TMEM132D: variants seen among roughly 807,000 people sequenced by gnomAD.
TMEM132D encodes transmembrane protein 132D, also known as mature OL transmembrane protein.
In TMEM132D, 21 loss-of-function variants were observed where a neutral mutation model predicts 62.3. The ratio of observed to expected loss-of-function variants is 0.34; its 90% confidence interval spans 0.24 to 0.49. The LOEUF is 0.49. Among genes scored for constraint, TMEM132D ranks in the 20% least tolerant of loss-of-function variants. TMEM132D has a pLI of 0.99. For synonymous variants in TMEM132D, 621 were observed against 575.6 expected, an observed-to-expected ratio of 1.08 and a Z score of -1.13; for missense variants, 1,346 against 1,402.8, an observed-to-expected ratio of 0.96 and a Z score of 0.65.
chr12:129,750,560 C>A (rs1869966613), intron 1 of TMEM132D, among the ~76,000 whole-genome samples: 1 of 152,098 alleles, frequency 6.6e-6, no homozygotes, highest in Non-Finnish European at 1.5e-5. Flanking sequence ...AAATAACAGG[C>A]CTATTCGTAA....
intron 2 of TMEM132D, among the ~76,000 whole-genome samples, chr12:129,697,067 G>A (rs557506798): frequency 3.4e-4 from 52 of 152,278 alleles, no homozygotes; most frequent in African/African-American, 1.2e-3. Flanking sequence ...GCCCCTGAGT[G>A]CCCCTGAGAT....
At chr12:129,561,020 A>T (rs1877210515) in intron 2 of TMEM132D, among the ~76,000 whole-genome samples, 1 of 152,232 alleles carries the variant, frequency 6.6e-6, no homozygotes, top group South Asian at 2.1e-4. Flanking sequence ...GGAGACAGGC[A>T]TTAAACAGAT....
intron 1 of TMEM132D, among the ~76,000 whole-genome samples, chr12:129,722,895 A>G (rs542795545): frequency 4.1e-4 from 63 of 151,858 alleles, no homozygotes; most frequent in Non-Finnish European, 8.7e-4. Context: ...ATATGACACC[A>G]CATCCAGCTA....
chr12:129,445,845 G>A (rs1163337368), intron 3 of TMEM132D, among the ~76,000 whole-genome samples: 2 of 152,164 alleles, frequency 1.3e-5, no homozygotes, highest in Non-Finnish European at 2.9e-5. Context: ...TGTGCAGGAA[G>A]TTATTGGGAT....
intron 3 of TMEM132D, among the ~76,000 whole-genome samples, chr12:129,427,896 G>A (rs957779121): frequency 1.3e-4 from 19 of 150,000 alleles, no homozygotes; most frequent in African/African-American, 1.0e-4. Flanking sequence ...ATTAAGTCCC[G>A]CTGAGTTGAT....
intron 3 of TMEM132D, among the ~76,000 whole-genome samples, chr12:129,367,898 G>A (rs915163604): frequency 1.3e-5 from 2 of 149,780 alleles, no homozygotes; most frequent in Non-Finnish European, 3.0e-5. Context: ...TAATTCTCCT[G>A]CCTCAGCCTT....
chr12:129,421,754 A>G (rs1289024407), intron 3 of TMEM132D, among the ~76,000 whole-genome samples: 2 of 152,194 alleles, frequency 1.3e-5, no homozygotes, highest in Non-Finnish European at 2.9e-5. Flanking sequence ...ACCCGTGTTT[A>G]TAAATGACAT....
intron 1 of TMEM132D, among the ~76,000 whole-genome samples, chr12:129,875,034 AT>A (rs1874372497): frequency 6.6e-6 from 1 of 152,268 alleles, no homozygotes; most frequent in Admixed American, 6.5e-5. Context: ...TGCATCACAT[AT>A]AAAAAGCATG....
chr12:129,134,424 T>A (rs1392513029), intron 5 of TMEM132D, among the ~76,000 whole-genome samples: 1 of 152,166 alleles, frequency 6.6e-6, no homozygotes, highest in Non-Finnish European at 1.5e-5. Flanking sequence ...GCTCACTTTG[T>A]GGCTCAGGGC....
At chr12:129,577,801 C>CTG (rs150284998) in intron 2 of TMEM132D, among the ~76,000 whole-genome samples, 11 of 152,070 alleles carry the variant, frequency 7.2e-5, no homozygotes, top group East Asian at 3.9e-4. Context: ...AAGGTCACCT[C>CTG]TGTGTGTGTG....
At chr12:129,363,932 T>A (rs1482207387) in intron 3 of TMEM132D, among the ~76,000 whole-genome samples, 1 of 152,254 alleles carries the variant, frequency 6.6e-6, no homozygotes, top group Non-Finnish European at 1.5e-5. Flanking sequence ...AGAAGTTTGC[T>A]TTTCTCATAC....
At chr12:129,407,773 G>A (rs537455884) in intron 3 of TMEM132D, among the ~76,000 whole-genome samples, 1 of 151,708 alleles carries the variant, frequency 6.6e-6, no homozygotes, top group Non-Finnish European at 1.5e-5. Context: ...GTGGTGGCGG[G>A]TGCCTGTAGT....
At chr12:129,881,811 A>G (rs1874605595) in intron 1 of TMEM132D, among the ~76,000 whole-genome samples, 1 of 152,050 alleles carries the variant, frequency 6.6e-6, no homozygotes, top group South Asian at 2.1e-4. Flanking sequence ...CAACAAAATA[A>G]TAAAGAAAAA....
Position 129,371,786 on chromosome 12 carries a change from T to C in TMEM132D, c.1116-33969A>G, listed in dbSNP as rs1257294843. Among the ~76,000 whole-genome samples the C allele has an allele frequency of 1.3e-5, 2 of 152,168 alleles. No individual in the cohort carries two copies. Among genetic ancestry groups the C allele is most frequent in the Non-Finnish European group, 2.9e-5 (2 of 68,020 alleles). On this transcript the variant is annotated intron_variant, in intron 3 of 8. Coordinates refer to ENST00000422113, the MANE Select transcript of TMEM132D (RefSeq NM_133448.3). The surrounding 1 kb of genome is among the most constrained non-coding windows in gnomAD (Gnocchi z 4.3). Reference sequence around the variant, plus strand: ...AGCTTTACGTATCTGCTGAACCTAGTTCAGTGTGTGGTGATATCAAGAGAC... The same window carrying C: ...AGCTTTACGTATCTGCTGAACCTAGCTCAGTGTGTGGTGATATCAAGAGAC...
intron 1 of TMEM132D, among the ~76,000 whole-genome samples, chr12:129,766,939 TAC>T (rs1870572878): frequency 6.6e-6 from 1 of 152,170 alleles, no homozygotes; most frequent in Admixed American, 6.5e-5. Context: ...TTCCAGCTAA[TAC>T]AGATTAGCTT....
chr12:129,652,811 C>T (rs765491505), intron 2 of TMEM132D, among the ~76,000 whole-genome samples: 1 of 152,164 alleles, frequency 6.6e-6, no homozygotes, highest in African/African-American at 2.4e-5. Flanking sequence ...GTTACAACAG[C>T]CACAGGAAAT....
At chr12:129,885,475 A>G (rs530465115) in intron 1 of TMEM132D, among the ~76,000 whole-genome samples, 55 of 152,244 alleles carry the variant, frequency 3.6e-4, no homozygotes, top group South Asian at 1.2e-3. Context: ...CTTGGAACTG[A>G]TCCTGGCATA....
chr12:129,677,052 T>G (rs957914136), intron 2 of TMEM132D, among the ~76,000 whole-genome samples: 1 of 152,224 alleles, frequency 6.6e-6, no homozygotes, highest in African/African-American at 2.4e-5. Context: ...AGTCCCTTTA[T>G]GGATCACTTT....
chr12:129,707,818 G>A (rs560809509), intron 1 of TMEM132D, among the ~76,000 whole-genome samples: 19 of 152,324 alleles, frequency 1.2e-4, no homozygotes, highest in African/African-American at 4.3e-4. Context: ...AACAGGAAGA[G>A]CCAGATCGCT....
Sources: allele counts gnomAD v4.1 joint callset (sites outside exome capture counted in the v4.1 genomes callset), GRCh38; gene constraint gnomAD v4.1.1; non-coding constraint Gnocchi (gnomAD v3.1); transcripts MANE v1.5; gene names NCBI Gene and HGNC (gene_info 2026-07-23, HGNC 2026-07-21).